Variants in DLGAP2 observed in about 807,000 individuals in gnomAD.
DLGAP2 encodes disks large-associated protein 2.
In DLGAP2, 26 loss-of-function variants were observed where a neutral mutation model predicts 100.3. That is an observed-to-expected ratio of 0.26 (90% CI 0.19 to 0.36). The LOEUF is 0.36. DLGAP2 is among the 10% of genes least tolerant of loss of function. The pLI is 1.00. For synonymous variants in DLGAP2, 886 were observed against 630.1 expected (o/e 1.41, Z -6.08); for missense variants, 1,858 against 1,453.2 (o/e 1.28, Z -4.53).
intron 2 of DLGAP2, among the ~76,000 whole-genome samples, chr8:1,087,128 A>C (rs572552748): frequency 9.2e-5 from 14 of 152,338 alleles, no homozygotes; most frequent in African/African-American, 3.4e-4. Flanking sequence ...ATAGATAAAA[A>C]AGTTAAACAA....
intron 3 of DLGAP2, among the ~76,000 whole-genome samples, chr8:1,359,414 T>C (rs2129648491): frequency 6.6e-6 from 1 of 152,336 alleles, no homozygotes; most frequent in South Asian, 2.1e-4. Flanking sequence ...AGTTTTCTTT[T>C]TTAAAACAGG....
At chr8:1,292,786 C>T (rs539118624) in intron 3 of DLGAP2, among the ~76,000 whole-genome samples, 1 of 152,138 alleles carries the variant, frequency 6.6e-6, no homozygotes, top group Admixed American at 6.5e-5. Flanking sequence ...CCACTCATGT[C>T]ACCCCTCTTC....
intron 3 of DLGAP2, among the ~76,000 whole-genome samples, chr8:1,261,092 C>T (rs866369721): frequency 6.6e-6 from 1 of 152,138 alleles, no homozygotes. Flanking sequence ...ACGAGACAGA[C>T]CGGGAGGGCT....
chr8:1,643,622 C>T (rs372653380), intron 8 of DLGAP2, among the ~76,000 whole-genome samples: 12 of 948 alleles, frequency 0.013, no homozygotes, highest in Non-Finnish European at 0.018. Context: ...ACCCCGCCGG[C>T]CCTCACCTGT....
In DLGAP2 at chr8:1,435,660, C is replaced by T. The variant is rs144983004; in HGVS notation, c.107-65706C>T. Among the ~76,000 whole-genome samples, 778 of 151,866 alleles carry T rather than the reference C, an allele frequency of 5.1e-3. 9 individuals carry two copies. The highest frequency in any genetic ancestry group is 0.018 in the African/African-American group (729 of 41,410). ...CCTTCTGCTTGTGGAAAACCATTAT[C>T]TGTAAAGAGCCCTGGGCCAGTCCTT... is the stretch of plus-strand genomic sequence containing the variant. On this transcript the variant is annotated intron_variant, in intron 3 of 14. Transcript: ENST00000637795.
chr8:1,628,819 C>G (rs1031018305), intron 7 of DLGAP2, among the ~76,000 whole-genome samples: 1 of 152,222 alleles, frequency 6.6e-6, no homozygotes, highest in Non-Finnish European at 1.5e-5. Flanking sequence ...ACCTCACATT[C>G]TCTCTGACTT....
At chr8:1,095,570 A>G (rs1264447162) in intron 2 of DLGAP2, among the ~76,000 whole-genome samples, 2 of 152,082 alleles carry the variant, frequency 1.3e-5, no homozygotes, top group African/African-American at 4.8e-5. Flanking sequence ...CACCGTCAAC[A>G]CTGTTGTGAG....
intron 3 of DLGAP2, among the ~76,000 whole-genome samples, chr8:1,407,442 G>C (rs1475966781): frequency 1.4e-5 from 2 of 141,206 alleles, no homozygotes; most frequent in African/African-American, 5.2e-5. Flanking sequence ...GTCGTGTATT[G>C]AGTGCTTACT....
intron 5 of DLGAP2, among the ~76,000 whole-genome samples, chr8:1,564,755 C>T (rs1802328870): frequency 6.6e-6 from 1 of 152,226 alleles, no homozygotes; most frequent in African/African-American, 2.4e-5. Flanking sequence ...ACATAACATG[C>T]ATAGTTGCTC....
chr8:957,276 C>G (rs1391440092), intron 2 of DLGAP2, among the ~76,000 whole-genome samples: 2 of 152,214 alleles, frequency 1.3e-5, no homozygotes, highest in East Asian at 1.9e-4. Flanking sequence ...CCTGTCTTCC[C>G]CATGGCACCA....
At chr8:1,132,640 GAAGGCGTT>G (rs1796317829) in intron 2 of DLGAP2, among the ~76,000 whole-genome samples, 1 of 152,234 alleles carries the variant, frequency 6.6e-6, no homozygotes, top group African/African-American at 2.4e-5. Flanking sequence ...GTGATGTAAA[GAAGGCGTT>G]TACTGGAGAG....
intron 3 of DLGAP2, among the ~76,000 whole-genome samples, chr8:1,266,946 A>T (rs28547231): frequency 0.15 from 22,525 of 152,006 alleles, 2,010 homozygotes; most frequent in East Asian, 0.46. Context: ...TATTAAAAAT[A>T]AAAAGGGCGC....
At chr8:910,551 C>A (rs548477340) in intron 2 of DLGAP2, 1 of 152,274 alleles carries the variant, frequency 6.6e-6, no homozygotes, top group Admixed American at 6.5e-5. Flanking sequence ...GACTTTTAAG[C>A]CTTTAAATAA....
chr8:839,258 A>C (rs1796937930), intron 1 of DLGAP2, among the ~76,000 whole-genome samples: 1 of 152,194 alleles, frequency 6.6e-6, no homozygotes, highest in South Asian at 2.1e-4. Flanking sequence ...AATTGCACTC[A>C]GTGTGTTGAG....
intron 12 of DLGAP2, among the ~76,000 whole-genome samples, chr8:1,688,594 G>T (rs993858538): frequency 6.6e-6 from 1 of 152,162 alleles, no homozygotes; most frequent in African/African-American, 2.4e-5. Context: ...CACGGAATGG[G>T]GAGGGAGCTG....
chr8:1,457,975 C>CATATATATATATAT (rs57897392), intron 3 of DLGAP2, among the ~76,000 whole-genome samples: 76 of 107,720 alleles, frequency 7.1e-4, no homozygotes, highest in Non-Finnish European at 9.1e-4. Context: ...GTTCTCTGAT[C>CATATATATATATAT]ATATATATAT....
chr8:1,356,641 G>A (rs911102826), intron 3 of DLGAP2, among the ~76,000 whole-genome samples: 1 of 152,196 alleles, frequency 6.6e-6, no homozygotes, highest in African/African-American at 2.4e-5. Context: ...CAGACAGTGG[G>A]ATATGGTGAA....
chr8:783,083 A>G (rs1279364561), intron 1 of DLGAP2, among the ~76,000 whole-genome samples: 1 of 152,238 alleles, frequency 6.6e-6, no homozygotes, highest in Non-Finnish European at 1.5e-5. Flanking sequence ...TGCCTTTTCT[A>G]GGACATCATC....
rs1204094384 is a variant in DLGAP2, at chr8:1,095,387, A to G, written c.74-163464A>G. On this transcript the variant is annotated intron_variant, in intron 2 of 14. Coordinates refer to ENST00000637795, the MANE Select transcript of DLGAP2 (RefSeq NM_001346810.2). ...CCACCCCTGTCCGCAGCAGACCCCA[A>G]GCTCACCCTCGCCCGGGGTTCTTGT... 3.9e-5 allele frequency among the ~76,000 whole-genome samples: 6 copies of G among 152,240 alleles called. No individual in the cohort carries two copies. The East Asian group carries it at 1.2e-3, about 29-fold the overall frequency.
Sources: allele counts gnomAD v4.1 joint callset (sites outside exome capture counted in the v4.1 genomes callset), GRCh38; gene constraint gnomAD v4.1.1; transcripts MANE v1.5; gene names NCBI Gene and HGNC (gene_info 2026-07-23, HGNC 2026-07-21).